The following LRRC4C variants were observed in gnomAD, a reference collection of about 807,000 sequenced individuals.
LRRC4C encodes the protein leucine-rich repeat-containing protein 4C.
Under a neutral mutation model 33.6 loss-of-function variants are expected in LRRC4C, and 5 were observed. That is an observed-to-expected ratio of 0.15 (90% CI 0.08 to 0.31). LRRC4C has a LOEUF of 0.31. LRRC4C is among the 10% of genes least tolerant of loss of function. The pLI is 1.00. For missense variants in LRRC4C, 560 were observed against 796.7 expected, an observed-to-expected ratio of 0.70 and a Z score of 3.58; for synonymous variants, 329 against 302.0, an observed-to-expected ratio of 1.09 and a Z score of -0.93.
chr11:40,731,605 T>C (rs1411971274), intron 2 of LRRC4C, among the ~76,000 whole-genome samples: 1 of 152,174 alleles, frequency 6.6e-6, no homozygotes, highest in Non-Finnish European at 1.5e-5. Context: ...TTATTCTTTC[T>C]TTACCCCTTC....
chr11:40,236,250 TA>T (rs1865547407), intron 5 of LRRC4C, among the ~76,000 whole-genome samples: 1 of 152,188 alleles, frequency 6.6e-6, no homozygotes, highest in South Asian at 2.1e-4. Context: ...TCAAGTCAAT[TA>T]TTTCAGATGA....
intron 1 of LRRC4C, among the ~76,000 whole-genome samples, chr11:41,405,738 A>G (rs1229142628): frequency 6.6e-6 from 1 of 152,120 alleles, no homozygotes; most frequent in Non-Finnish European, 1.5e-5. Context: ...AATAAATTCA[A>G]TTCTTTTAGG....
At position 40,452,270 on chromosome 11, in the gene LRRC4C, C is replaced by T. The variant is rs1315816516; in HGVS notation, c.-269-132549G>A. 3.3e-5 allele frequency among the ~76,000 whole-genome samples: 5 copies of T among 152,244 alleles called. 1 individual carries two copies. The highest frequency in any genetic ancestry group is 1.2e-4 in the African/African-American group (5 of 41,548). On this transcript the variant is annotated intron_variant, in intron 3 of 6. Coordinates refer to ENST00000528697, the MANE Select transcript of LRRC4C (RefSeq NM_001258419.2). ...CCTACAGAATGGGAGAAAATTTTTGCAGTCTACTCATCTGACAAAGGGCTA... is the reference window on the plus strand; with the variant it reads ...CCTACAGAATGGGAGAAAATTTTTGTAGTCTACTCATCTGACAAAGGGCTA...
chr11:40,723,813 G>T (rs545112585), intron 2 of LRRC4C, among the ~76,000 whole-genome samples: 10 of 152,150 alleles, frequency 6.6e-5, no homozygotes, highest in African/African-American at 2.2e-4. Flanking sequence ...ACAAAGAACG[G>T]CAAATAGTAT....
chr11:40,972,008 C>A (rs1336280065), intron 1 of LRRC4C, among the ~76,000 whole-genome samples: 1 of 152,002 alleles, frequency 6.6e-6, no homozygotes, highest in Non-Finnish European at 1.5e-5. Context: ...GAGTAACTAA[C>A]TTGTTTTTTA....
chr11:40,912,168 A>G (rs961596120), intron 2 of LRRC4C, among the ~76,000 whole-genome samples: 1 of 152,316 alleles, frequency 6.6e-6, no homozygotes, highest in Non-Finnish European at 1.5e-5. Context: ...AAGGCAGGCC[A>G]ACGTTCAAAT....
intron 2 of LRRC4C, among the ~76,000 whole-genome samples, chr11:40,732,783 G>A (rs560525832): frequency 6.6e-6 from 1 of 152,114 alleles, no homozygotes; most frequent in Admixed American, 6.6e-5. Context: ...CAACTACCAG[G>A]GTTGTTTTGA....
chr11:40,600,092 T>G (rs376849910), intron 3 of LRRC4C, among the ~76,000 whole-genome samples: 1 of 152,182 alleles, frequency 6.6e-6, no homozygotes. Context: ...ACTCTGTGCA[T>G]AGTTTGCTGT....
chr11:41,194,478 G>A (rs995887112), intron 1 of LRRC4C, among the ~76,000 whole-genome samples: 3 of 152,044 alleles, frequency 2.0e-5, no homozygotes, highest in South Asian at 2.1e-4. Flanking sequence ...GTAACAAGAT[G>A]TACATCATTA....
chr11:40,973,329 C>A (rs1023873770), intron 1 of LRRC4C, among the ~76,000 whole-genome samples: 23 of 151,466 alleles, frequency 1.5e-4, no homozygotes, highest in Non-Finnish European at 2.5e-4. Flanking sequence ...AGACAGATCA[C>A]TACTTAGGCA....
At chr11:40,458,526 C>A (rs1169428929) in intron 3 of LRRC4C, among the ~76,000 whole-genome samples, 1 of 152,126 alleles carries the variant, frequency 6.6e-6, no homozygotes, top group East Asian at 1.9e-4. Context: ...TCTTCTTTTT[C>A]TTCATCATCC....
chr11:40,224,896 T>C (rs1478209827), intron 5 of LRRC4C, among the ~76,000 whole-genome samples: 2 of 152,188 alleles, frequency 1.3e-5, no homozygotes, highest in African/African-American at 4.8e-5. Flanking sequence ...TCCCATCCTC[T>C]GCTGTCAGAC....
intron 4 of LRRC4C, among the ~76,000 whole-genome samples, chr11:40,285,246 AG>A (rs955671452): frequency 1.3e-5 from 2 of 152,170 alleles, no homozygotes; most frequent in African/African-American, 4.8e-5. Context: ...AGTGACTCAA[AG>A]GGGGAAGCCC....
intron 2 of LRRC4C, among the ~76,000 whole-genome samples, chr11:40,909,926 C>T (rs1218292191): frequency 6.6e-6 from 1 of 152,132 alleles, no homozygotes; most frequent in African/African-American, 2.4e-5. Flanking sequence ...ATATAATAAA[C>T]AACTGAAAAT....
chr11:40,241,305 C>G (rs1053920298), intron 5 of LRRC4C, among the ~76,000 whole-genome samples: 4 of 152,060 alleles, frequency 2.6e-5, no homozygotes, highest in African/African-American at 9.7e-5. Flanking sequence ...CTGCTTGAAC[C>G]CAGGAGCTGG....
chr11:40,419,586 G>C (rs1460208469), intron 3 of LRRC4C, among the ~76,000 whole-genome samples: 2 of 152,108 alleles, frequency 1.3e-5, no homozygotes, highest in East Asian at 3.9e-4. Context: ...GTAAAATCAA[G>C]ATACTCTCAG....
At chr11:41,165,751 C>T (rs544444694) in intron 1 of LRRC4C, among the ~76,000 whole-genome samples, 22 of 152,098 alleles carry the variant, frequency 1.4e-4, no homozygotes, top group Admixed American at 3.3e-4. Context: ...AAAAAGGGGC[C>T]GGGCATAGTG....
chr11:40,216,630 G>A (rs896816593), intron 5 of LRRC4C, among the ~76,000 whole-genome samples: 5 of 152,088 alleles, frequency 3.3e-5, no homozygotes, highest in Admixed American at 6.6e-5. Flanking sequence ...ACACAGAACC[G>A]CAAGAAAAAG....
chr11:41,281,086 T>TGTC (rs1949660453), intron 1 of LRRC4C, among the ~76,000 whole-genome samples: 7 of 97,622 alleles, frequency 7.2e-5, no homozygotes, highest in East Asian at 2.6e-4. Flanking sequence ...GTCCTCTCTC[T>TGTC]CTCTCTCTCT....
Sources: allele counts gnomAD v4.1 joint callset (sites outside exome capture counted in the v4.1 genomes callset), GRCh38; gene constraint gnomAD v4.1.1; transcripts MANE v1.5; gene names NCBI Gene and HGNC (gene_info 2026-07-23, HGNC 2026-07-21).